Variants in USF3 observed in about 807,000 individuals in gnomAD.
USF3 encodes the protein basic helix-loop-helix domain-containing protein USF3.
A neutral mutation model predicts 157.5 loss-of-function variants in USF3; 29 were observed. That is an observed-to-expected ratio of 0.18 (90% CI 0.14 to 0.25). The LOEUF is 0.25. Among genes scored for constraint, USF3 ranks in the 10% least tolerant of loss-of-function variants. The pLI, the probability that USF3 is intolerant of heterozygous loss-of-function variation, is 1.00. For missense variants in USF3, 2,381 were observed against 2,667.6 expected, an observed-to-expected ratio of 0.89 and a Z score of 2.37; for synonymous variants, 893 against 941.4, an observed-to-expected ratio of 0.95 and a Z score of 0.94.
intron 1 of USF3, among the ~76,000 whole-genome samples, chr3:113,689,687 G>T (rs1707642210): frequency 6.6e-6 from 1 of 152,046 alleles, no homozygotes; most frequent in Non-Finnish European, 1.5e-5. Flanking sequence ...CTCCAACTTG[G>T]CCAATCTCTC....
At chr3:113,688,121 T>A (rs1228197886) in intron 1 of USF3, among the ~76,000 whole-genome samples, 1 of 151,842 alleles carries the variant, frequency 6.6e-6, no homozygotes, top group Non-Finnish European at 1.5e-5. Context: ...GCCCCCACTT[T>A]CTTTTTTTTT....
Position 113,661,051 on chromosome 3 carries a change from G to C in USF3, c.631C>G (p.Gln211Glu), listed in dbSNP as rs755257942. ...GTAGCCAATGCAGGAACTGTGGTCT[G>C]ATGCCATGGCTTGTTTTCAGAAGGG... ...VYPSENKPWH[Q>E]TTVPALATNQ... is the part of the protein sequence containing the mutation. The change falls in exon 7 of 7, where the codon CAG (glutamine) becomes GAG (glutamate). Residue 211 changes from glutamine to glutamate, a missense_variant. Physicochemically the swap from Gln to Glu is conservative, Grantham distance 29. Coordinates refer to ENST00000316407, the MANE Select transcript of USF3 (RefSeq NM_001009899.4). 6 of 1,614,056 alleles carry C rather than the reference G, an allele frequency of 3.7e-6. No individual in the cohort carries two copies. The highest frequency in any genetic ancestry group is 4.2e-6 in the Non-Finnish European group (5 of 1,180,020).
rs918314907 is a variant in USF3, at chr3:113,680,111, C to T, written c.-134-2714G>A. Among the ~76,000 whole-genome samples the T allele has an allele frequency of 1.0e-4, 12 of 120,456 alleles. No individual in the cohort carries two copies. In the Admixed American group the frequency reaches 1.3e-3, roughly 13 times the overall value. 79.0% of individuals were successfully genotyped at this position (120,456 alleles called of 152,430 possible). On this transcript the variant is annotated intron_variant, in intron 1 of 6. Transcript: ENST00000316407. ...TTTGTTTGGTTTGGTATCAGGGTAA[C>T]ATTGGCTTCACAGAATGAATTCGAA...
chr3:113,663,764 G>A (rs1391105310), intron 6 of USF3, among the ~76,000 whole-genome samples: 1 of 152,130 alleles, frequency 6.6e-6, no homozygotes, highest in East Asian at 1.9e-4. Flanking sequence ...TCTCTCCAAT[G>A]CTAATGGAAA....
At chr3:113,680,764 C>A (rs1229676689) in intron 1 of USF3, among the ~76,000 whole-genome samples, 1 of 150,162 alleles carries the variant, frequency 6.7e-6, no homozygotes, top group Non-Finnish European at 1.5e-5. Flanking sequence ...TCACACGCCA[C>A]TCCAGCGTGA....
rs1000557481 is a variant in USF3, at chr3:113,659,559, A to G, written c.2123T>C (p.Phe708Ser). 1.2e-5 allele frequency: 20 copies of G among 1,614,034 alleles called. No individual in the cohort carries two copies. Among genetic ancestry groups the G allele is most frequent in the Middle Eastern group, 1.6e-4 (1 of 6,082 alleles). ...TTGATTGAGGCTGGCCAAAGCACCA[A>G]ATGTATTCAGGGCAACATTGGTATT... is the stretch of plus-strand genomic sequence containing the variant. ...DPNTNVALNT[F>S]GALASLNQSI... Residue 708 changes from phenylalanine to serine, a missense_variant, in exon 7 of 7, where the codon TTT (phenylalanine) becomes TCT (serine). Physicochemically the swap from Phe to Ser is radical, Grantham distance 155 (BLOSUM62 -2). Transcript: ENST00000316407.
In USF3 at chr3:113,650,129, C is replaced by A; in HGVS notation, c.*4815G>T. On this transcript the variant is annotated 3_prime_UTR_variant, in exon 7 of 7. Transcript: ENST00000316407. ...GCAAAGGTAGCATTTATATAGACAA[C>A]AAAATTACAAAAATGGCTTCCAGGC... is the stretch of plus-strand genomic sequence containing the variant. 2.3e-6 allele frequency: 1 copy of A among 439,832 alleles called. No homozygotes were observed. Among genetic ancestry groups the A allele is most frequent in the Non-Finnish European group, 4.1e-6 (1 of 246,442 alleles). 27.2% of individuals were successfully genotyped at this position (439,832 alleles called of 1,614,324 possible). A position where few individuals can be genotyped will look rare whatever the true frequency, so the allele number is the denominator to read the frequency against.
Position 113,655,494 on chromosome 3 carries a change from A to G in USF3, c.6188T>C (p.Phe2063Ser). 1 of 1,614,112 alleles carries G rather than the reference A, an allele frequency of 6.2e-7. No individual in the cohort carries two copies. The highest frequency in any genetic ancestry group is 2.2e-5 in the East Asian group (1 of 44,882). ...GPDQHTLSQNFGFSFIPEGGM... is the reference protein window; with the variant it reads ...GPDQHTLSQNSGFSFIPEGGM... ...ACCCTCAGGAATAAAAGAAAAACCA[A>G]AATTTTGTGATAGTGTATGCTGGTC... is the stretch of plus-strand genomic sequence containing the variant. Residue 2063 changes from phenylalanine (F) to serine (S), a missense_variant, in exon 7 of 7, where the codon TTT (phenylalanine) becomes TCT (serine). By Grantham distance (155) the Phe-to-Ser change is radical (BLOSUM62 -2). Coordinates refer to ENST00000316407, the MANE Select transcript of USF3 (RefSeq NM_001009899.4).
chr3:113,668,178 C>T (rs1237507234), intron 5 of USF3, among the ~76,000 whole-genome samples: 1 of 152,116 alleles, frequency 6.6e-6, no homozygotes, highest in Non-Finnish European at 1.5e-5. Context: ...ACTTTCCCTT[C>T]CTGCCCAAAC....
At chr3:113,676,546 T>C (rs1408495462) in intron 2 of USF3, among the ~76,000 whole-genome samples, 1 of 152,110 alleles carries the variant, frequency 6.6e-6, no homozygotes, top group Non-Finnish European at 1.5e-5. Flanking sequence ...CATGATTCAA[T>C]TACCTCCCAC....
rs1285978322 is a variant in USF3 at position 113,652,543 on chromosome 3, G to A, written c.*2401C>T. On this transcript the variant is annotated 3_prime_UTR_variant, in exon 7 of 7. Transcript: ENST00000316407. ...TTAGTTGGCAGCAGAAAAGAGACAGGACAGTTTGGTAAGAACAGTTAAAGA... is the reference window on the plus strand; with the variant it reads ...TTAGTTGGCAGCAGAAAAGAGACAGAACAGTTTGGTAAGAACAGTTAAAGA... The A allele has an allele frequency of 1.3e-5, 2 of 151,874 alleles. No individual in the cohort carries two copies. The highest frequency in any genetic ancestry group is 2.9e-5 in the Non-Finnish European group (2 of 68,006). 9.4% of individuals were successfully genotyped at this position (151,874 alleles called of 1,614,324 possible).
At position 113,661,191 on chromosome 3, in the gene USF3, G is replaced by A; in HGVS notation, c.491C>T (p.Ala164Val). Reference protein sequence around the residue: ...NQPGGNSQGTAVQGITFNVSH... With the variant: ...NQPGGNSQGTVVQGITFNVSH... ...AACATTAAAAGTTATCCCCTGAACAGCTGTTCCCTGGCTGTTTCCACCAGG... is the reference window on the plus strand; with the variant it reads ...AACATTAAAAGTTATCCCCTGAACAACTGTTCCCTGGCTGTTTCCACCAGG... Residue 164 changes from alanine (A) to valine (V), a missense_variant, in exon 7 of 7, where the codon GCT becomes GTT. Around this residue, in one of 6 missense-constraint regions of USF3, gnomAD observed 1,435 missense variants for 1,550.9 expected, o/e 0.93. Coordinates refer to ENST00000316407, the MANE Select transcript of USF3 (RefSeq NM_001009899.4). 1 of 1,614,158 alleles carries A rather than the reference G, an allele frequency of 6.2e-7. No homozygotes were observed. Among genetic ancestry groups the A allele is most frequent in the Non-Finnish European group, 8.5e-7 (1 of 1,180,026 alleles).
At chr3:113,695,801 T>C (rs1707784358) in intron 1 of USF3, among the ~76,000 whole-genome samples, 1 of 152,300 alleles carries the variant, frequency 6.6e-6, no homozygotes, top group South Asian at 2.1e-4. Flanking sequence ...TGAAAGTAGA[T>C]TTCAAGAGTT....
At position 113,668,540 on chromosome 3, in the gene USF3, T is replaced by C. The variant is rs1474403134; in HGVS notation, c.159+1581A>G. On this transcript the variant is annotated intron_variant, in intron 5 of 6. Transcript: ENST00000316407. ...ATAAAACTAGCATAGCTTCTAATCA[T>C]GCAACACTTAGGGCTACCAAAATAC... Among the ~76,000 whole-genome samples, 5 of 151,518 alleles carry C rather than the reference T, an allele frequency of 3.3e-5. No homozygotes were observed. In the South Asian group the frequency reaches 6.2e-4, roughly 19 times the overall value.
At chr3:113,668,192 A>G (rs1947599890) in intron 5 of USF3, among the ~76,000 whole-genome samples, 2 of 152,034 alleles carry the variant, frequency 1.3e-5, no homozygotes, top group African/African-American at 4.8e-5. Flanking sequence ...CCCAAACCGC[A>G]GGAGACAAGT....
chr3:113,677,452 C>T (rs1253483005), intron 1 of USF3, 55 bp from the exon 2 acceptor site: 2 of 152,124 alleles, frequency 1.3e-5, no homozygotes, highest in Non-Finnish European at 2.9e-5. Context: ...CCATTAGCAC[C>T]GCGTAAGGCA....
At position 113,659,334 on chromosome 3, in the gene USF3, G is replaced by A; in HGVS notation, c.2348C>T (p.Thr783Ile). The A allele has an allele frequency of 6.2e-7, 1 of 1,614,246 alleles. No homozygotes were observed. The highest frequency in any genetic ancestry group is 8.5e-7 in the Non-Finnish European group (1 of 1,180,034). Residue 783 changes from threonine (T) to isoleucine (I), a missense_variant, in exon 7 of 7, where the codon ACT becomes ATT. This residue lies in a region of USF3 where 1,435 missense variants were observed against 1,550.9 expected (regional missense o/e 0.93). Transcript: ENST00000316407. ...YNLVSTSSMN[T>I]VACLPNMKSK... ...TTTCATGTTAGGCAAACAAGCAACAGTGTTCATTGAGGAAGTACTCACTAG... is the reference window on the plus strand; with the variant it reads ...TTTCATGTTAGGCAAACAAGCAACAATGTTCATTGAGGAAGTACTCACTAG...
rs1707309878 is a variant in USF3 at position 113,677,586 on chromosome 3, C to T, written c.-134-189G>A. 2.6e-5 allele frequency among the ~76,000 whole-genome samples: 4 copies of T among 152,128 alleles called. No homozygotes were observed. In the South Asian group the frequency reaches 8.3e-4, roughly 31 times the overall value. Reference sequence around the variant, plus strand: ...CAAAAGTCACTTTCCTATTGGTTACCGATGCTCCATCCCGACAAAGATGGT... The same window carrying T: ...CAAAAGTCACTTTCCTATTGGTTACTGATGCTCCATCCCGACAAAGATGGT... On this transcript the variant is annotated intron_variant, in intron 1 of 6. Coordinates refer to ENST00000316407, the MANE Select transcript of USF3 (RefSeq NM_001009899.4).
rs1707242337 is a variant in USF3, at chr3:113,674,906, G to A, written c.-18-10C>T. On this transcript the variant is annotated splice_polypyrimidine_tract_variant and intron_variant, in intron 2 of 6. Transcript: ENST00000316407. ...TTACAGTAATAGGAACCTACAGAAG[G>A]ATAGAAAGACACACCAGAAAGCTTA... The A allele has an allele frequency of 1.9e-6, 3 of 1,569,352 alleles. No homozygotes were observed. The East Asian group carries it at 6.7e-5, about 35-fold the overall frequency.
Sources: gnomAD v4.1 joint callset for allele counts (sites outside exome capture counted in the v4.1 genomes callset) on GRCh38, gnomAD v4.1.1 for gene constraint, gnomAD v4.1.1 regional missense constraint, MANE v1.5 for transcripts, NCBI Gene and HGNC (gene_info 2026-07-23, HGNC 2026-07-21) for gene names.